The following POU6F2 variants were observed in gnomAD, a reference collection of about 807,000 sequenced individuals.
POU6F2 encodes the protein POU domain, class 6, transcription factor 2.
In POU6F2, 31 loss-of-function variants were observed where a neutral mutation model predicts 71.3. The observed-to-expected ratio is 0.43, with a 90% CI of 0.33 to 0.59. POU6F2 has a LOEUF of 0.59. Ranked by LOEUF, POU6F2 falls within the 20% of genes least tolerant of loss-of-function variation. The probability of loss-of-function intolerance (pLI) is 0.04; values close to 1 mark genes in which losing one functional copy is unlikely to be tolerated. For missense variants in POU6F2, 783 were observed against 856.8 expected (o/e 0.91, Z 1.07); for synonymous variants, 347 against 355.7 (o/e 0.98, Z 0.27).
At chr7:39,119,880 G>A (rs943158504) in intron 2 of POU6F2, among the ~76,000 whole-genome samples, 7 of 152,150 alleles carry the variant, frequency 4.6e-5, no homozygotes, top group Non-Finnish European at 8.8e-5. Context: ...GAGACAATGC[G>A]TTAAAACAAA....
At chr7:39,424,815 A>T (rs1787930686) in intron 6 of POU6F2, among the ~76,000 whole-genome samples, 1 of 151,184 alleles carries the variant, frequency 6.6e-6, no homozygotes, top group Non-Finnish European at 1.5e-5. Context: ...AGGAAAAACA[A>T]GCACACACAA....
At chr7:39,243,063 A>T (rs918212104) in intron 4 of POU6F2, among the ~76,000 whole-genome samples, 1 of 152,188 alleles carries the variant, frequency 6.6e-6, no homozygotes, top group East Asian at 1.9e-4. Context: ...ATAAGAAATC[A>T]CCAAGCATAC....
intron 4 of POU6F2, among the ~76,000 whole-genome samples, chr7:39,293,857 C>T (rs1784805487): frequency 6.6e-6 from 1 of 152,162 alleles, no homozygotes; most frequent in Admixed American, 6.5e-5. Context: ...GGTGAAATTG[C>T]ACTGTCCCTG....
At chr7:39,211,872 G>A (rs1395778228) in intron 4 of POU6F2, among the ~76,000 whole-genome samples, 1 of 152,178 alleles carries the variant, frequency 6.6e-6, no homozygotes, top group Non-Finnish European at 1.5e-5. Flanking sequence ...TTTCTCTACT[G>A]CATTGGATGG....
chr7:39,259,394 A>G (rs144642767), intron 4 of POU6F2, among the ~76,000 whole-genome samples: 1 of 152,218 alleles, frequency 6.6e-6, no homozygotes, highest in Non-Finnish European at 1.5e-5. Flanking sequence ...CACAAACGAC[A>G]TAACTTGTCC....
At chr7:39,434,888 G>C in intron 7 of POU6F2, among the ~76,000 whole-genome samples, 1 of 152,026 alleles carries the variant, frequency 6.6e-6, no homozygotes, top group East Asian at 1.9e-4. Flanking sequence ...GAGGTGTTTG[G>C]TTTTCTTTTC....
At chr7:39,146,811 C>T (rs1385885541) in intron 2 of POU6F2, among the ~76,000 whole-genome samples, 1 of 152,186 alleles carries the variant, frequency 6.6e-6, no homozygotes, top group Non-Finnish European at 1.5e-5. Flanking sequence ...ACTACATATT[C>T]AGCGCACAGT....
chr7:39,272,039 A>C (rs1784349208), intron 4 of POU6F2, among the ~76,000 whole-genome samples: 1 of 152,078 alleles, frequency 6.6e-6, no homozygotes, highest in Non-Finnish European at 1.5e-5. Context: ...CAGAAAAGCT[A>C]GTGCTTCGGA....
intron 4 of POU6F2, among the ~76,000 whole-genome samples, chr7:39,225,699 G>T (rs1025700803): frequency 2.0e-5 from 3 of 152,160 alleles, no homozygotes; most frequent in African/African-American, 7.2e-5. Flanking sequence ...TCTAAAATTT[G>T]ATCTATAATT....
chr7:39,048,851 C>A (rs546293074), intron 1 of POU6F2, among the ~76,000 whole-genome samples: 65 of 152,008 alleles, frequency 4.3e-4, no homozygotes, highest in Middle Eastern at 3.4e-3. Context: ...ATTTTTATGA[C>A]TTTTTAATAA....
At chr7:39,180,033 G>A (rs1793407451) in intron 2 of POU6F2, among the ~76,000 whole-genome samples, 1 of 152,190 alleles carries the variant, frequency 6.6e-6, no homozygotes, top group South Asian at 2.1e-4. Flanking sequence ...GCAGAAGGAG[G>A]GGTGGACTGG....
At chr7:39,357,403 G>C (rs4370441) in intron 5 of POU6F2, among the ~76,000 whole-genome samples, 25,909 of 152,194 alleles carry the variant, frequency 0.17, 2,466 homozygotes, top group Admixed American at 0.24. Context: ...GGAAACTAGG[G>C]TTCAGAGGAA....
intron 1 of POU6F2, among the ~76,000 whole-genome samples, chr7:39,051,119 C>T (rs1790392432): frequency 1.3e-5 from 2 of 151,980 alleles, no homozygotes; most frequent in South Asian, 4.2e-4. Flanking sequence ...CAGTGCTCTG[C>T]AATGGGCCTT....
intron 1 of POU6F2, among the ~76,000 whole-genome samples, chr7:39,026,083 T>C (rs1184366096): frequency 6.6e-6 from 1 of 152,016 alleles, no homozygotes; most frequent in African/African-American, 2.4e-5. Context: ...TGGCAATCAT[T>C]AAAAAGTCAG....
At chr7:39,022,495 A>G (rs1789699388) in intron 1 of POU6F2, among the ~76,000 whole-genome samples, 1 of 152,092 alleles carries the variant, frequency 6.6e-6, no homozygotes, top group Non-Finnish European at 1.5e-5. Flanking sequence ...TAGCCAAGAC[A>G]TGGGACACTC....
At position 39,252,823 on chromosome 7, in the gene POU6F2, G is replaced by A. The variant is rs982948866; in HGVS notation, c.598+45203G>A. On this transcript the variant is annotated intron_variant, in intron 4 of 9. Transcript: ENST00000518318. ...CTCCTTGAACCACTATGTAGAAAAC[G>A]GCACCCCCAAACTCCCACCCCACAG... Among the ~76,000 whole-genome samples, 11 of 152,042 alleles carry A rather than the reference G, an allele frequency of 7.2e-5. No homozygotes were observed. In the East Asian group the frequency reaches 7.7e-4, roughly 11 times the overall value.
At chr7:39,293,600 G>C (rs4498450) in intron 4 of POU6F2, among the ~76,000 whole-genome samples, 89,925 of 152,016 alleles carry the variant, frequency 0.59, 27,428 homozygotes, top group Admixed American at 0.72. Context: ...CCCACTTCCT[G>C]TTAAGGATGG....
chr7:39,108,985 C>T (rs1791749450), intron 2 of POU6F2, among the ~76,000 whole-genome samples: 1 of 152,082 alleles, frequency 6.6e-6, no homozygotes, highest in Non-Finnish European at 1.5e-5. Context: ...TATTGGGAGT[C>T]TTTAGTTGTC....
At chr7:39,457,486 T>C (rs760666968) in intron 8 of POU6F2, among the ~76,000 whole-genome samples, 1 of 152,182 alleles carries the variant, frequency 6.6e-6, no homozygotes, top group Non-Finnish European at 1.5e-5. Flanking sequence ...TCAACAGACC[T>C]GTCTGGCCCG....
Sources: gnomAD v4.1 joint callset for allele counts (sites outside exome capture counted in the v4.1 genomes callset) on GRCh38, gnomAD v4.1.1 for gene constraint, MANE v1.5 for transcripts, NCBI Gene and HGNC (gene_info 2026-07-23, HGNC 2026-07-21) for gene names.